The following WASF2 variants were observed in gnomAD, a reference collection of about 807,000 sequenced individuals.
The protein encoded by WASF2 is WASP family member 2.
In WASF2, 14 loss-of-function variants were observed where a neutral mutation model predicts 45.0. The observed-to-expected ratio is 0.31, with a 90% CI of 0.21 to 0.49. WASF2 has a LOEUF of 0.49. WASF2 is among the 20% of genes least tolerant of loss of function. The pLI is 0.99. For synonymous variants in WASF2, 200 were observed against 236.3 expected, an observed-to-expected ratio of 0.85 and a Z score of 1.41; for missense variants, 439 against 636.1, an observed-to-expected ratio of 0.69 and a Z score of 3.33.
At chr1:27,417,486 G>A (rs2016842513) in intron 4 of WASF2, among the ~76,000 whole-genome samples, 1 of 152,174 alleles carries the variant, frequency 6.6e-6, no homozygotes, top group Non-Finnish European at 1.5e-5. Context: ...ACCTTGCAGT[G>A]TACACATGTC....
rs1272747914 is a variant in WASF2 at position 27,405,219 on chromosome 1, G to A, written c.*2970C>T. 23 of 152,274 alleles carry A rather than the reference G, an allele frequency of 1.5e-4. No homozygotes were observed. The highest frequency in any genetic ancestry group is 1.4e-3 in the Admixed American group (22 of 15,282). The allele number at this position is 152,274 out of a possible 1,614,324, so 9.4% of individuals were successfully genotyped here. On this transcript the variant is annotated 3_prime_UTR_variant, in exon 9 of 9. Coordinates refer to ENST00000618852, the MANE Select transcript of WASF2 (RefSeq NM_006990.5). ...TCTGAGGGCGCTCGGGCTTCCACTG[G>A]AGGCGAGCTGGAGCCTGGGCCAGCT...
intron 1 of WASF2, among the ~76,000 whole-genome samples, chr1:27,487,614 A>T (rs1420796936): frequency 1.0e-5 from 1 of 99,692 alleles, no homozygotes; most frequent in South Asian, 2.5e-4. Context: ...AATATATATT[A>T]TATATATTTT....
rs2017571754 is a variant in WASF2, at chr1:27,463,366, C to G, written c.-44+26620G>C. Among the ~76,000 whole-genome samples the G allele has an allele frequency of 3.3e-5, 5 of 152,100 alleles. No individual in the cohort carries two copies. The South Asian group carries it at 1.0e-3, about 32-fold the overall frequency. On this transcript the variant is annotated intron_variant, in intron 1 of 8. Transcript: ENST00000618852. ...TGATACTGGCCGGATGCGGTGACAC[C>G]TGTAATCCCAGCACTTTGGGAGGCT...
intron 2 of WASF2, among the ~76,000 whole-genome samples, chr1:27,419,431 A>T (rs2016872029): frequency 6.6e-6 from 1 of 152,218 alleles, no homozygotes; most frequent in Non-Finnish European, 1.5e-5. Context: ...CCTGGGCAAC[A>T]TGGGGAAACC....
intron 1 of WASF2, among the ~76,000 whole-genome samples, chr1:27,445,758 G>A (rs955173483): frequency 1.3e-5 from 2 of 151,910 alleles, no homozygotes; most frequent in East Asian, 1.9e-4. Flanking sequence ...CACTTCTGAC[G>A]GGTTACTTTT....
At chr1:27,478,298 T>C (rs1427491179) in intron 1 of WASF2, among the ~76,000 whole-genome samples, 1 of 141,844 alleles carries the variant, frequency 7.1e-6, no homozygotes, top group African/African-American at 2.6e-5. Context: ...AAAAAGGATA[T>C]GATGTAAGAA....
At chr1:27,481,560 A>C (rs967718834) in intron 1 of WASF2, among the ~76,000 whole-genome samples, 1 of 151,782 alleles carries the variant, frequency 6.6e-6, no homozygotes, top group African/African-American at 2.4e-5. Flanking sequence ...TTAGCCAGGC[A>C]TGGGGGTGGG....
chr1:27,420,759 G>A (rs2016898113), intron 2 of WASF2, among the ~76,000 whole-genome samples: 1 of 151,998 alleles, frequency 6.6e-6, no homozygotes, highest in South Asian at 2.1e-4. Flanking sequence ...CTGACCTCAG[G>A]TGATCTGCCC....
intron 1 of WASF2, among the ~76,000 whole-genome samples, chr1:27,458,832 G>A (rs2017508242): frequency 6.6e-6 from 1 of 151,500 alleles, no homozygotes; most frequent in Non-Finnish European, 1.5e-5. Flanking sequence ...TTAAAAAATT[G>A]TAAAAATTGG....
At chr1:27,481,739 GA>G (rs924613317) in intron 1 of WASF2, among the ~76,000 whole-genome samples, 1 of 149,942 alleles carries the variant, frequency 6.7e-6, no homozygotes, top group African/African-American at 2.5e-5. Context: ...AAAGAAAAAA[GA>G]AAAAAAAAGA....
At chr1:27,459,806 C>T (rs2017520558) in intron 1 of WASF2, among the ~76,000 whole-genome samples, 1 of 152,130 alleles carries the variant, frequency 6.6e-6, no homozygotes, top group Non-Finnish European at 1.5e-5. Flanking sequence ...TGGATACATA[C>T]TTGGTTAAAT....
chr1:27,409,505 A>G (rs951223360), intron 8 of WASF2, among the ~76,000 whole-genome samples, 187 bp downstream of exon 8: 2 of 151,574 alleles, frequency 1.3e-5, no homozygotes, highest in Non-Finnish European at 2.9e-5. Context: ...AGAAATCTAA[A>G]TCTCCATATT....
At chr1:27,477,243 T>A (rs902829810) in intron 1 of WASF2, among the ~76,000 whole-genome samples, 31 of 152,154 alleles carry the variant, frequency 2.0e-4, no homozygotes, top group Non-Finnish European at 3.1e-4. Flanking sequence ...AGATTTTTTT[T>A]AAATGTCTTT....
chr1:27,433,794 T>C (rs2017097534), intron 1 of WASF2, among the ~76,000 whole-genome samples: 1 of 152,234 alleles, frequency 6.6e-6, no homozygotes, highest in Admixed American at 6.5e-5. Context: ...AAAATGTATG[T>C]TTCTTTATCA....
At chr1:27,420,237 G>A (rs2016886875) in intron 2 of WASF2, among the ~76,000 whole-genome samples, 1 of 152,044 alleles carries the variant, frequency 6.6e-6, no homozygotes, top group Non-Finnish European at 1.5e-5. Context: ...GTCTGCTCTA[G>A]GTTACAATCC....
intron 1 of WASF2, among the ~76,000 whole-genome samples, chr1:27,487,398 C>T (rs917882126): frequency 9.2e-5 from 12 of 130,532 alleles, no homozygotes; most frequent in Non-Finnish European, 9.4e-5. Context: ...CATGCCCGGC[C>T]TATAATATAT....
chr1:27,488,309 A>AATCTTC (rs2017974099), intron 1 of WASF2, among the ~76,000 whole-genome samples: 1 of 152,164 alleles, frequency 6.6e-6, no homozygotes, highest in Admixed American at 6.5e-5. Context: ...CCAAATCCAC[A>AATCTTC]ATCTTCACTC....
intron 1 of WASF2, among the ~76,000 whole-genome samples, chr1:27,444,730 A>T (rs2017289663): frequency 6.6e-6 from 1 of 152,240 alleles, no homozygotes; most frequent in South Asian, 2.1e-4. Flanking sequence ...TATTTTAAGG[A>T]TTACAACAAA....
rs1262107506 is a variant in WASF2 at position 27,410,882 on chromosome 1, C to T, written c.825-676G>A. Among the ~76,000 whole-genome samples, 2 of 152,208 alleles carry T rather than the reference C, an allele frequency of 1.3e-5. No homozygotes were observed. The highest frequency in any genetic ancestry group is 2.4e-5 in the African/African-American group (1 of 41,452). On this transcript the variant is annotated intron_variant, in intron 7 of 8. Transcript: ENST00000618852. The surrounding 1 kb of genome is among the most constrained non-coding windows in gnomAD (Gnocchi z 4.2). ...CAGGCCTGAAAGAGGATTAAAGCTACACCTCTCCTGGGATCAGATTTGCTC... is the reference window on the plus strand; with the variant it reads ...CAGGCCTGAAAGAGGATTAAAGCTATACCTCTCCTGGGATCAGATTTGCTC...
Sources: allele counts gnomAD v4.1 joint callset (sites outside exome capture counted in the v4.1 genomes callset), GRCh38; gene constraint gnomAD v4.1.1; non-coding constraint Gnocchi (gnomAD v3.1); transcripts MANE v1.5; gene names NCBI Gene and HGNC (gene_info 2026-07-23, HGNC 2026-07-21).